The following CSMD1 variants were observed in gnomAD, a reference collection of about 807,000 sequenced individuals.
CSMD1 encodes the protein CUB and sushi domain-containing protein 1.
CSMD1 carries 213 observed loss-of-function variants against 417.5 expected under a neutral mutation model. The ratio of observed to expected loss-of-function variants is 0.51; its 90% CI spans 0.46 to 0.57. CSMD1 has a LOEUF of 0.57. CSMD1 is among the 20% of genes least tolerant of loss of function. The probability of loss-of-function intolerance (pLI) is 0.00; values close to 1 mark genes in which losing one functional copy is unlikely to be tolerated. For missense variants in CSMD1, 6,923 were observed against 4,529.7 expected (o/e 1.53, Z -15.17); for synonymous variants, 2,862 against 1,736.8 (o/e 1.65, Z -16.11).
At chr8:4,152,877 A>T (rs1439635728) in intron 3 of CSMD1, among the ~76,000 whole-genome samples, 1 of 152,274 alleles carries the variant, frequency 6.6e-6, no homozygotes, top group East Asian at 1.9e-4. Flanking sequence ...AGAAATTAAC[A>T]TCAAATTAGA....
intron 6 of CSMD1, among the ~76,000 whole-genome samples, chr8:3,733,580 T>C (rs1399928956): frequency 6.6e-6 from 1 of 151,652 alleles, no homozygotes; most frequent in Non-Finnish European, 1.5e-5. Context: ...ATTCTTCGAG[T>C]GTGATGAAAC....
intron 4 of CSMD1, among the ~76,000 whole-genome samples, chr8:4,031,639 G>GTAT (rs74426572): frequency 0.15 from 23,359 of 151,876 alleles, 2,449 homozygotes; most frequent in East Asian, 0.39. Context: ...GACTTTTCTC[G>GTAT]TATAACATGT....
At chr8:3,075,297 G>C (rs1426521692) in intron 49 of CSMD1, among the ~76,000 whole-genome samples, 1 of 132,776 alleles carries the variant, frequency 7.5e-6, no homozygotes, top group Non-Finnish European at 1.6e-5. Context: ...TTTTTTTTTA[G>C]ATGGAGTTTC....
At chr8:4,143,552 G>A (rs202037377) in intron 3 of CSMD1, among the ~76,000 whole-genome samples, 45,281 of 150,680 alleles carry the variant, frequency 0.3, 8,456 homozygotes, top group Non-Finnish European at 0.39. Context: ...TTGTATACTT[G>A]TAAGGCTTAG....
At chr8:4,919,539 T>A (rs1449312124) in intron 1 of CSMD1, among the ~76,000 whole-genome samples, 1 of 152,230 alleles carries the variant, frequency 6.6e-6, no homozygotes, top group Non-Finnish European at 1.5e-5. Flanking sequence ...TAGTTCCAGA[T>A]CTTTCATAAA....
intron 40 of CSMD1, among the ~76,000 whole-genome samples, chr8:3,144,333 C>T (rs1234272404): frequency 6.6e-6 from 1 of 152,002 alleles, no homozygotes; most frequent in African/African-American, 2.4e-5. Flanking sequence ...ATATTCCACT[C>T]TTCTTGGAGA....
chr8:3,221,437 A>G lies in CSMD1; in HGVS notation c.4485-1995T>C, dbSNP rs558703121. Among the ~76,000 whole-genome samples the G allele has an allele frequency of 6.6e-5, 10 of 152,290 alleles. No homozygotes were observed. In the South Asian group the frequency reaches 2.1e-3, roughly 32 times the overall value. On this transcript the variant is annotated intron_variant, in intron 28 of 69. Coordinates refer to ENST00000635120, the MANE Select transcript of CSMD1 (RefSeq NM_033225.6). ...TTAGAGTATTGGCAAGGATGTTATT[A>G]AAATCTGGTCATGTCATATCCCCAA...
At chr8:4,003,221 CT>C (rs1002309336) in intron 4 of CSMD1, among the ~76,000 whole-genome samples, 2 of 151,828 alleles carry the variant, frequency 1.3e-5, no homozygotes, top group Non-Finnish European at 2.9e-5. Flanking sequence ...GTGAAACCCC[CT>C]CTCTACTAAA....
At position 4,888,334 on chromosome 8, in the gene CSMD1, TATTG is replaced by T. The variant is rs559925361; in HGVS notation, c.85+105994_85+105997del. Among the ~76,000 whole-genome samples the T allele has an allele frequency of 2.4e-3, 367 of 152,172 alleles. 3 individuals are homozygous for T. The highest frequency in any genetic ancestry group is 8.3e-3 in the African/African-American group (343 of 41,506). On this transcript the variant is annotated intron_variant, in intron 1 of 69. Coordinates refer to ENST00000635120, the MANE Select transcript of CSMD1 (RefSeq NM_033225.6). ...CCTGGAGGTAACCATTATCATTAGT[TATTG>T]ATTTATTATTTTTACATTTCCTTTT...
intron 7 of CSMD1, among the ~76,000 whole-genome samples, chr8:3,653,107 C>T (rs537657049): frequency 6.6e-6 from 1 of 152,028 alleles, no homozygotes; most frequent in Non-Finnish European, 1.5e-5. Context: ...AGCCTCCATG[C>T]ATATGCTTTA....
intron 10 of CSMD1, among the ~76,000 whole-genome samples, chr8:3,523,225 A>T (rs1020487009): frequency 6.6e-6 from 1 of 152,220 alleles, no homozygotes; most frequent in Admixed American, 6.5e-5. Flanking sequence ...CATGCTATGG[A>T]TCATAGTAAG....
chr8:3,474,301 G>T (rs1340395454), intron 11 of CSMD1, among the ~76,000 whole-genome samples: 1 of 151,718 alleles, frequency 6.6e-6, no homozygotes, highest in East Asian at 1.9e-4. Context: ...TACAAATGCA[G>T]GACAATAAAC....
At chr8:3,148,772 C>T (rs1436274967) in intron 40 of CSMD1, among the ~76,000 whole-genome samples, 9 of 152,278 alleles carry the variant, frequency 5.9e-5, no homozygotes, top group East Asian at 5.8e-4. Flanking sequence ...ATGTTGACCA[C>T]GTTAGAGGAC....
intron 3 of CSMD1, among the ~76,000 whole-genome samples, chr8:4,345,111 G>T (rs969331015): frequency 6.6e-6 from 1 of 152,130 alleles, no homozygotes; most frequent in African/African-American, 2.4e-5. Context: ...GCAGCCAAGG[G>T]GAGCTAAACC....
At chr8:4,863,087 G>C (rs1802230869) in intron 1 of CSMD1, among the ~76,000 whole-genome samples, 1 of 152,054 alleles carries the variant, frequency 6.6e-6, no homozygotes, top group Non-Finnish European at 1.5e-5. Context: ...TGTTATAGTA[G>C]CCGGAAAGCT....
Position 4,098,917 on chromosome 8 carries a change from G to C in CSMD1, c.416-66818C>G, listed in dbSNP as rs1801161683. On this transcript the variant is annotated intron_variant, in intron 3 of 69. Transcript: ENST00000635120. Reference sequence around the variant, plus strand: ...CAACTGTGGGTTAGAACCAGTATTAGAGACTGGGGTACAACACAGAAAAAA... The same window carrying C: ...CAACTGTGGGTTAGAACCAGTATTACAGACTGGGGTACAACACAGAAAAAA... 4.6e-5 allele frequency among the ~76,000 whole-genome samples: 7 copies of C among 152,178 alleles called. No homozygotes were observed. The South Asian group carries it at 1.5e-3, about 32-fold the overall frequency.
rs770936923 is a variant in CSMD1, at chr8:3,190,079, A to G, written c.5231T>C (p.Val1744Ala). 6.3e-7 allele frequency: 1 copy of G among 1,594,454 alleles called. No individual in the cohort carries two copies. Reference protein sequence around the residue: ...PRTSDTQCSSVPEPRYGRRIG... With the variant: ...PRTSDTQCSSAPEPRYGRRIG... ...TCTCCTTCCGTATCTGGGCTCGGGG[A>G]CAGAGCTGCATTGGGTGTCACTGGT... Residue 1744 changes from valine (V) to alanine (A), a missense_variant, in exon 34 of 70, where the codon GTC (valine) becomes GCC (alanine). Val to Ala is a moderately conservative substitution (Grantham distance 64). Transcript: ENST00000635120.
At chr8:3,663,170 T>C (rs965409526) in intron 7 of CSMD1, among the ~76,000 whole-genome samples, 8 of 152,132 alleles carry the variant, frequency 5.3e-5, no homozygotes, top group African/African-American at 1.2e-4. Context: ...GAAAGGCTGG[T>C]GCATTTTCAT....
intron 1 of CSMD1, among the ~76,000 whole-genome samples, chr8:4,759,901 G>T (rs1811932056): frequency 6.6e-6 from 1 of 152,194 alleles, no homozygotes; most frequent in Non-Finnish European, 1.5e-5. Context: ...ATAATAGCAT[G>T]ACTTATATTT....
Sources: allele counts gnomAD v4.1 joint callset (sites outside exome capture counted in the v4.1 genomes callset), GRCh38; gene constraint gnomAD v4.1.1; transcripts MANE v1.5; gene names NCBI Gene and HGNC (gene_info 2026-07-23, HGNC 2026-07-21).